Variants in PTAFR observed in about 807,000 individuals in gnomAD.
The protein encoded by PTAFR is platelet-activating factor receptor.
In PTAFR, 8 loss-of-function variants were observed where a neutral mutation model predicts 14.7. That is an observed-to-expected ratio of 0.54 (90% CI 0.32 to 0.98). The LOEUF (loss-of-function observed/expected upper bound fraction) is 0.98, where lower values mean the gene tolerates loss of function less well. Ranked by LOEUF, PTAFR falls within the 50% of genes least tolerant of loss-of-function variation. PTAFR has a pLI of 0.04. For synonymous variants in PTAFR, 156 were observed against 176.5 expected, an observed-to-expected ratio of 0.88 and a Z score of 0.92; for missense variants, 337 against 451.2, an observed-to-expected ratio of 0.75 and a Z score of 2.29.
intron 1 of PTAFR, among the ~76,000 whole-genome samples, chr1:28,164,462 G>A (rs1646360392): frequency 6.6e-6 from 1 of 152,104 alleles, no homozygotes; most frequent in Non-Finnish European, 1.5e-5. Flanking sequence ...AGTACTCCTT[G>A]CTCTGTGGGG....
chr1:28,173,298 A>AGG (rs71586830), intron 1 of PTAFR, among the ~76,000 whole-genome samples: 8 of 31,682 alleles, frequency 2.5e-4, no homozygotes, highest in Non-Finnish European at 3.7e-4. Context: ...TTAAAAAAAA[A>AGG]GGGGGGGGGG....
rs1449461083 is a variant in PTAFR, at chr1:28,150,588, A to G, written c.434T>C (p.Ile145Thr). ...GAGGAAGTAGGATGCAGCTCCCACA[A>G]TGGCCACCCAGATGACCAAGGACAA... ...ISLSLVIWVA[I>T]VGAASYFLIL... The change falls in exon 2 of 2, where the codon ATT becomes ACT. Residue 145 changes from isoleucine to threonine, a missense_variant. By Grantham distance (89) the Ile-to-Thr change is moderately conservative. Coordinates refer to ENST00000373857, the MANE Select transcript of PTAFR (RefSeq NM_000952.5). This position sits in a 1 kb window ranked among gnomAD's most constrained non-coding sequence, Gnocchi z 6.3. The G allele has an allele frequency of 1.9e-6, 3 of 1,614,150 alleles. No individual in the cohort carries two copies. The highest frequency in any genetic ancestry group is 1.3e-5 in the African/African-American group (1 of 75,042).
At chr1:28,181,139 GC>G (rs1320567933), upstream of PTAFR, among the ~76,000 whole-genome samples, 1 of 152,012 alleles carries the variant, frequency 6.6e-6, no homozygotes, top group East Asian at 1.9e-4. Context: ...TGAGCACCAC[GC>G]CCGGTCGTGT....
At position 28,168,610 on chromosome 1, in the gene PTAFR, G is replaced by A. The variant is rs186506362; in HGVS notation, c.-39+7982C>T. 9.4e-3 allele frequency among the ~76,000 whole-genome samples: 1,438 copies of A among 152,186 alleles called. 17 individuals carry two copies. The highest frequency in any genetic ancestry group is 0.015 in the Non-Finnish European group (992 of 68,004). ...GTGGTTGCCAGGGGCTGGGAGGAGG[G>A]GAAAATAGAGAGATGTTCAACAGAT... On this transcript the variant is annotated intron_variant, in intron 1 of 1. Transcript: ENST00000373857.
intron 1 of PTAFR, among the ~76,000 whole-genome samples, chr1:28,167,310 C>T (rs922870772): frequency 4.6e-5 from 7 of 152,154 alleles, no homozygotes; most frequent in African/African-American, 1.7e-4. Flanking sequence ...CCTGAATAGA[C>T]ATTTCTCCAA....
At chr1:28,172,527 T>C (rs752101267) in intron 1 of PTAFR, among the ~76,000 whole-genome samples, 1 of 152,188 alleles carries the variant, frequency 6.6e-6, no homozygotes, top group Non-Finnish European at 1.5e-5. Flanking sequence ...CTTTTCTTCA[T>C]CTGCAAAATG....
Position 28,192,980 on chromosome 1 carries a change from C to T in PTAFR, c.-39+742G>A, listed in dbSNP as rs954456500. Among the ~76,000 whole-genome samples, 10 of 152,270 alleles carry T rather than the reference C, an allele frequency of 6.6e-5. No homozygotes were observed. In the East Asian group the frequency reaches 1.4e-3, roughly 21 times the overall value. ...GGGAGTGCTAGCTTCTCCTGTCATGCTCTTTAGTGCGGCTGGGACCCCCGG... is the reference window on the plus strand; with the variant it reads ...GGGAGTGCTAGCTTCTCCTGTCATGTTCTTTAGTGCGGCTGGGACCCCCGG... On this transcript the variant is annotated intron_variant, in intron 1 of 1. Coordinates refer to the PTAFR transcript ENST00000305392.
At chr1:28,174,008 A>G (rs1646482738) in intron 1 of PTAFR, among the ~76,000 whole-genome samples, 1 of 152,156 alleles carries the variant, frequency 6.6e-6, no homozygotes, top group African/African-American at 2.4e-5. Flanking sequence ...CTCCCGGCCC[A>G]TCATTCCAGA....
intron 1 of PTAFR, among the ~76,000 whole-genome samples, chr1:28,167,160 A>T (rs1009532234): frequency 1.3e-5 from 2 of 152,202 alleles, no homozygotes; most frequent in Admixed American, 6.6e-5. Context: ...CAATCAGCAG[A>T]GTGGAAAGGC....
At chr1:28,181,683 G>A (rs1045540850), upstream of PTAFR, among the ~76,000 whole-genome samples, 6 of 151,568 alleles carry the variant, frequency 4.0e-5, no homozygotes, top group Non-Finnish European at 5.9e-5. Flanking sequence ...CGGAGGTTGC[G>A]GTGAGCCGAG....
chr1:28,168,059 C>T (rs1400750887), intron 1 of PTAFR, among the ~76,000 whole-genome samples: 3 of 147,730 alleles, frequency 2.0e-5, no homozygotes, highest in African/African-American at 5.0e-5. Flanking sequence ...CCCGGGTTCA[C>T]GCCATTCTCC....
At chr1:28,179,582 G>A (rs1646546378), upstream of PTAFR, among the ~76,000 whole-genome samples, 1 of 152,094 alleles carries the variant, frequency 6.6e-6, no homozygotes, top group South Asian at 2.1e-4. Context: ...TTGGGATGCT[G>A]AGGCGGGCAG....
At chr1:28,183,910 A>G (rs989363674) in intron 1 of PTAFR, among the ~76,000 whole-genome samples, 6 of 151,908 alleles carry the variant, frequency 3.9e-5, no homozygotes, top group Admixed American at 6.6e-5. Flanking sequence ...ACAAAACAAA[A>G]AAAACTTTAA....
At position 28,184,891 on chromosome 1, in the gene PTAFR, C is replaced by T. The variant is rs192242515; in HGVS notation, c.-39+8831G>A. 1.4e-3 allele frequency among the ~76,000 whole-genome samples: 217 copies of T among 152,178 alleles called. 1 individual carries two copies. Among genetic ancestry groups the T allele is most frequent in the Middle Eastern group, 3.4e-3 (1 of 294 alleles). On this transcript the variant is annotated intron_variant, in intron 1 of 1. Transcript: ENST00000305392. Reference sequence around the variant, plus strand: ...ATGACCTCAAGTGATCCACCTACCTCGGCCTTTCAAAGTGCCGGGATTACA... The same window carrying T: ...ATGACCTCAAGTGATCCACCTACCTTGGCCTTTCAAAGTGCCGGGATTACA...
chr1:28,151,812 C>G (rs1646192444), intron 1 of PTAFR, among the ~76,000 whole-genome samples: 1 of 152,194 alleles, frequency 6.6e-6, no homozygotes, highest in Non-Finnish European at 1.5e-5. Flanking sequence ...GCATCAGACA[C>G]TAAACCTGCT....
At chr1:28,186,238 G>A (rs1033529624) in intron 1 of PTAFR, among the ~76,000 whole-genome samples, 8 of 151,938 alleles carry the variant, frequency 5.3e-5, no homozygotes, top group Non-Finnish European at 1.2e-4. Flanking sequence ...GCCTTCCTCG[G>A]CCTCCCAAAG....
At position 28,147,631 on chromosome 1, in the gene PTAFR, A is replaced by G. The variant is rs942642388; in HGVS notation, c.*2362T>C. 5 of 152,150 alleles carry G rather than the reference A, an allele frequency of 3.3e-5. No individual in the cohort carries two copies. The highest frequency in any genetic ancestry group is 1.2e-4 in the African/African-American group (5 of 41,426). 9.4% of individuals were successfully genotyped at this position (152,150 alleles called of 1,614,324 possible). A position where few individuals can be genotyped will look rare whatever the true frequency, so the allele number is the denominator to read the frequency against. On this transcript the variant is annotated 3_prime_UTR_variant, in exon 2 of 2. Coordinates refer to ENST00000373857, the MANE Select transcript of PTAFR (RefSeq NM_000952.5). ...ACAGCTCCAGGGTTTCTATGTGTTC[A>G]GGTAAGGGACCTGCAAAGCCTGAAC... is the stretch of plus-strand genomic sequence containing the variant.
intron 1 of PTAFR, among the ~76,000 whole-genome samples, chr1:28,153,129 T>C (rs1456729724): frequency 6.6e-6 from 1 of 151,970 alleles, no homozygotes; most frequent in Non-Finnish European, 1.5e-5. Context: ...CTCCCGTCTC[T>C]AGTAAAATAA....
chr1:28,168,996 A>G (rs971264398), intron 1 of PTAFR, among the ~76,000 whole-genome samples: 8 of 152,216 alleles, frequency 5.3e-5, no homozygotes, highest in African/African-American at 1.9e-4. Context: ...TGGCACTCGC[A>G]GGATTTAAAA....
Sources: allele counts gnomAD v4.1 joint callset (sites outside exome capture counted in the v4.1 genomes callset), GRCh38; gene constraint gnomAD v4.1.1; non-coding constraint Gnocchi (gnomAD v3.1); transcripts MANE v1.5; gene names NCBI Gene and HGNC (gene_info 2026-07-23, HGNC 2026-07-21).